Variants in KCNJ3 observed in about 807,000 individuals in gnomAD.
KCNJ3 encodes the protein G protein-activated inward rectifier potassium channel 1.
In KCNJ3, 4 loss-of-function variants were observed where a neutral mutation model predicts 39.2. The ratio of observed to expected loss-of-function variants is 0.10; its 90% CI spans 0.05 to 0.23. KCNJ3 has a LOEUF of 0.23. Among genes scored for constraint, KCNJ3 ranks in the 10% least tolerant of loss-of-function variants. The pLI is 1.00. For synonymous variants in KCNJ3, 230 were observed against 237.4 expected (o/e 0.97, Z 0.29); for missense variants, 276 against 634.9 (o/e 0.43, Z 6.08).
At chr2:154,828,843 T>A (rs1194015367) in intron 2 of KCNJ3, among the ~76,000 whole-genome samples, 5 of 152,232 alleles carry the variant, frequency 3.3e-5, no homozygotes, top group Non-Finnish European at 7.3e-5. Context: ...ATATTTAGTT[T>A]GAGTTTTTCA....
chr2:154,718,078 G>T (rs1319538493), intron 2 of KCNJ3, among the ~76,000 whole-genome samples: 1 of 152,036 alleles, frequency 6.6e-6, no homozygotes, highest in Non-Finnish European at 1.5e-5. Flanking sequence ...ATTAATTGTT[G>T]GTGTTTTAGA....
intron 2 of KCNJ3, among the ~76,000 whole-genome samples, chr2:154,850,008 C>CTTTTTTTTTTTTTTTTTTTTTT (rs373062062): frequency 8.2e-5 from 4 of 48,838 alleles, no homozygotes; most frequent in Non-Finnish European, 1.4e-4. Flanking sequence ...CAGAATAAAT[C>CTTTTTTTTTTTTTTTTTTTTTT]TTTTTTTTTT....
intron 2 of KCNJ3, among the ~76,000 whole-genome samples, chr2:154,742,043 C>G (rs1276904429): frequency 1.3e-5 from 2 of 151,800 alleles, no homozygotes; most frequent in African/African-American, 4.8e-5. Context: ...CTCATTCTCT[C>G]AGACATGCTC....
At position 154,710,069 on chromosome 2, in the gene KCNJ3, A is replaced by G. The variant is rs373137048; in HGVS notation, c.919+250A>G. Reference sequence around the variant, plus strand: ...TAAAAAAAAAGTGGGATGACTTCTTATAAATGATTATGATGTTCTATTATA... The same window carrying G: ...TAAAAAAAAAGTGGGATGACTTCTTGTAAATGATTATGATGTTCTATTATA... On this transcript the variant is annotated intron_variant, in intron 2 of 2. Coordinates refer to ENST00000295101, the MANE Select transcript of KCNJ3 (RefSeq NM_002239.4). 9.8e-4 allele frequency among the ~76,000 whole-genome samples: 150 copies of G among 152,302 alleles called. 1 individual carries two copies. The South Asian group carries it at 0.029, about 30-fold the overall frequency.
At chr2:154,719,967 G>C (rs1206671879) in intron 2 of KCNJ3, among the ~76,000 whole-genome samples, 2 of 152,012 alleles carry the variant, frequency 1.3e-5, no homozygotes, top group Admixed American at 6.6e-5. Context: ...GTCTGAAAAA[G>C]AACTAAGATT....
At chr2:154,770,904 T>C (rs1686230291) in intron 2 of KCNJ3, among the ~76,000 whole-genome samples, 1 of 149,812 alleles carries the variant, frequency 6.7e-6, no homozygotes, top group Non-Finnish European at 1.5e-5. Context: ...TTTTTTTTTT[T>C]TTTTGAGATG....
intron 1 of KCNJ3, among the ~76,000 whole-genome samples, chr2:154,700,739 C>T (rs115959031): frequency 6.6e-6 from 1 of 152,084 alleles, no homozygotes; most frequent in Non-Finnish European, 1.5e-5. Context: ...AAGTTTTGCT[C>T]TTGTGTCATT....
At chr2:154,796,056 A>G (rs1686714634) in intron 2 of KCNJ3, among the ~76,000 whole-genome samples, 1 of 152,090 alleles carries the variant, frequency 6.6e-6, no homozygotes, top group Non-Finnish European at 1.5e-5. Context: ...CCTTTCTTTA[A>G]CTATCATGTA....
chr2:154,707,656 T>C (rs549640916), intron 1 of KCNJ3, among the ~76,000 whole-genome samples: 2 of 152,244 alleles, frequency 1.3e-5, no homozygotes, highest in African/African-American at 4.8e-5. Flanking sequence ...AGATTTAGTT[T>C]CTAAAAGAAT....
chr2:154,699,465 C>T lies in KCNJ3; in HGVS notation c.690C>T (p.Cys230=). 1 of 1,590,946 alleles carries T rather than the reference C, an allele frequency of 6.3e-7. No homozygotes were observed. The highest frequency in any genetic ancestry group is 8.5e-7 in the Non-Finnish European group (1 of 1,174,806). ...NSHMVSAQIR[C]KLLKSRQTPE... ...ACATGGTCTCCGCGCAGATTCGCTG[C>T]AAGCTGCTCAAAGTAAGTGCTCCCC... is the stretch of plus-strand genomic sequence containing the variant. The change falls in exon 1 of 3, where the codon TGC becomes TGT. Residue 230 remains cysteine (C), a synonymous_variant. Coordinates refer to ENST00000295101, the MANE Select transcript of KCNJ3 (RefSeq NM_002239.4). This position sits in a 1 kb window ranked among gnomAD's most constrained non-coding sequence, Gnocchi z 6.4.
chr2:154,763,177 C>T (rs2105190332), intron 2 of KCNJ3, among the ~76,000 whole-genome samples: 1 of 152,234 alleles, frequency 6.6e-6, no homozygotes, highest in Admixed American at 6.5e-5. Flanking sequence ...TTAGAGTGCA[C>T]CTTTTAAATT....
chr2:154,739,799 A>G (rs745598845), intron 2 of KCNJ3, among the ~76,000 whole-genome samples: 5 of 152,062 alleles, frequency 3.3e-5, no homozygotes, highest in Non-Finnish European at 7.4e-5. Flanking sequence ...ACTCAGGCTA[A>G]TACTTCAAGA....
chr2:154,773,996 A>G (rs1477965311), intron 2 of KCNJ3, among the ~76,000 whole-genome samples: 1 of 152,142 alleles, frequency 6.6e-6, no homozygotes, highest in East Asian at 1.9e-4. Context: ...TTCCATATAT[A>G]TCATCCCAAT....
At chr2:154,724,958 C>G (rs963302071) in intron 2 of KCNJ3, among the ~76,000 whole-genome samples, 1 of 102,478 alleles carries the variant, frequency 9.8e-6, no homozygotes, top group Admixed American at 9.6e-5. Context: ...AGACCTGAGA[C>G]ATGAAGAAAT....
chr2:154,707,118 C>T (rs904853758), intron 1 of KCNJ3, among the ~76,000 whole-genome samples: 5 of 151,932 alleles, frequency 3.3e-5, no homozygotes, highest in Non-Finnish European at 4.4e-5. Flanking sequence ...TGGATACATA[C>T]GTAAAGAATT....
chr2:154,848,767 G>A (rs1687705628), intron 2 of KCNJ3, among the ~76,000 whole-genome samples: 1 of 152,142 alleles, frequency 6.6e-6, no homozygotes, highest in South Asian at 2.1e-4. Context: ...CAGCATAGGT[G>A]GTAGAGCTGG....
rs540645001 is a variant in KCNJ3 at position 154,821,962 on chromosome 2, T to A, written c.920-32765T>A. On this transcript the variant is annotated intron_variant, in intron 2 of 2. Transcript: ENST00000295101. The stretch of plus-strand genomic sequence containing the variant: ...AGCCTGAATATGTGATTTTTTTTTT[T>A]AAATGTGCATCTGTTGACAGCAGAA... 4.0e-3 allele frequency among the ~76,000 whole-genome samples: 602 copies of A among 151,964 alleles called. 4 individuals are homozygous for A. Among genetic ancestry groups the A allele is most frequent in the Non-Finnish European group, 4.3e-3 (293 of 67,958 alleles).
chr2:154,847,562 C>T (rs1687681838), intron 2 of KCNJ3, among the ~76,000 whole-genome samples: 1 of 147,098 alleles, frequency 6.8e-6, no homozygotes, highest in African/African-American at 2.4e-5. Flanking sequence ...AAAAAACTAA[C>T]ATGTTATTTG....
At chr2:154,726,763 TAC>T (rs71837806) in intron 2 of KCNJ3, among the ~76,000 whole-genome samples, 51,079 of 145,722 alleles carry the variant, frequency 0.35, 8,959 homozygotes, top group Non-Finnish European at 0.37. Context: ...TATATATATA[TAC>T]ACACACACAC....
Sources: allele counts gnomAD v4.1 joint callset (sites outside exome capture counted in the v4.1 genomes callset), GRCh38; gene constraint gnomAD v4.1.1; non-coding constraint Gnocchi (gnomAD v3.1); transcripts MANE v1.5; gene names NCBI Gene and HGNC (gene_info 2026-07-23, HGNC 2026-07-21).